LILRB4: variants seen among roughly 807,000 people sequenced by gnomAD.
The protein encoded by LILRB4 is leukocyte immunoglobulin-like receptor subfamily B member 4.
Under a neutral mutation model 55.2 loss-of-function variants are expected in LILRB4, and 49 were observed. That is an observed-to-expected ratio of 0.89 (90% CI 0.71 to 1.13). LILRB4 has a LOEUF of 1.13. LILRB4 is among the 50% of genes most tolerant of loss of function. LILRB4 has a pLI of 0.00. For missense variants in LILRB4, 590 were observed against 555.2 expected, an observed-to-expected ratio of 1.06 and a Z score of -0.63; for synonymous variants, 229 against 213.8, an observed-to-expected ratio of 1.07 and a Z score of -0.62.
chr19:54,665,979 G>T lies in LILRB4; in HGVS notation c.874+48G>T. 1.2e-6 allele frequency: 2 copies of T among 1,612,162 alleles called. No homozygotes were observed. Among genetic ancestry groups the T allele is most frequent in the Non-Finnish European group, 1.7e-6 (2 of 1,178,706 alleles). On this transcript the variant is annotated intron_variant, in intron 7 of 11. Coordinates refer to ENST00000430952, the Ensembl canonical transcript of LILRB4. The surrounding 1 kb of genome is among the most constrained non-coding windows in gnomAD (Gnocchi z 5.5). ...CGTGGGCTGATGGAGGGTGGGCTCA[G>T]GGCACCAGCCAAAGGGACTCCAGAT...
downstream of LILRB4, chr19:54,668,477 C>A: frequency 5.8e-6 from 1 of 171,028 alleles, no homozygotes; most frequent in Admixed American, 5.6e-5. Flanking sequence ...CATACAGGAA[C>A]AAAATAGGAG....
chr19:54,667,107 C>T (rs964792927), intron 10 of LILRB4: 15 of 602,622 alleles, frequency 2.5e-5, no homozygotes, highest in Non-Finnish European at 4.8e-5. Flanking sequence ...TGGGGCTCCC[C>T]ATGGGAGCTG....
At chr19:54,668,226 A>G (rs1179380411) in exon 12 of LILRB4, 6 of 574,124 alleles carry the variant, frequency 1.0e-5, no homozygotes, top group Non-Finnish European at 1.8e-5. Context: ...AGACCTCTCA[A>G]TTCACAATGA....
At chr19:54,664,090 G>T (rs1050871221) in intron 3 of LILRB4, 52 bp downstream of exon 3, 15 of 1,604,482 alleles carry the variant, frequency 9.3e-6, no homozygotes, top group Non-Finnish European at 1.3e-5. Context: ...CAGGAAGGGG[G>T]TCAGCTCTCA....
At position 54,666,798 on chromosome 19, in the gene LILRB4, T is replaced by C. The variant is rs766329450; in HGVS notation, c.1041+49T>C. The C allele has an allele frequency of 1.9e-6, 3 of 1,545,886 alleles. No individual in the cohort carries two copies. In the African/African-American group the frequency reaches 4.1e-5, roughly 21 times the overall value. Reference sequence around the variant, plus strand: ...GCACCAAAGGCCTCCTGGTGCCAGATCTAATCCTGCAGGACTTCTCTGTCC... The same window carrying C: ...GCACCAAAGGCCTCCTGGTGCCAGACCTAATCCTGCAGGACTTCTCTGTCC... On this transcript the variant is annotated intron_variant, in intron 10 of 11. Coordinates refer to ENST00000430952, the Ensembl canonical transcript of LILRB4. This position sits in a 1 kb window ranked among gnomAD's most constrained non-coding sequence, Gnocchi z 4.8.
intron 1 of LILRB4, among the ~76,000 whole-genome samples, chr19:54,663,325 G>A (rs1267965973): frequency 5.9e-4 from 89 of 151,648 alleles, no homozygotes; most frequent in Admixed American, 3.2e-3. Context: ...AGGCGCCTGT[G>A]GTCCCAGCCA....
exon 11 of LILRB4, chr19:54,667,787 C>T (rs1175817228): frequency 6.2e-7 from 1 of 1,609,956 alleles, no homozygotes; most frequent in Non-Finnish European, 8.5e-7. Context: ...GACAGATGGA[C>T]ACTGAGGTGA....
At chr19:54,663,678 G>C (rs1435018767) in intron 2 of LILRB4, 76 bp from the exon 3 acceptor site, 9 of 1,607,944 alleles carry the variant, frequency 5.6e-6, no homozygotes, top group South Asian at 1.1e-5. Context: ...GAGGATGACG[G>C]GGGGGTCCTG....
intron 1 of LILRB4, 24 bp from the exon 2 acceptor site, chr19:54,663,508 C>T (rs2065108832): frequency 1.2e-6 from 2 of 1,611,778 alleles, no homozygotes; most frequent in East Asian, 2.2e-5. Context: ...CGGGGCAAAT[C>T]CCTCACAGGG....
intron 2 of LILRB4, 79 bp from the exon 3 acceptor site, chr19:54,663,674 GA>G: frequency 6.2e-7 from 1 of 1,608,876 alleles, no homozygotes. Context: ...TGATGAGGAT[GA>G]CGGGGGGGTC....
exon 11 of LILRB4, chr19:54,667,761 C>G: frequency 1.2e-6 from 2 of 1,611,616 alleles, no homozygotes; most frequent in Middle Eastern, 2.1e-4. Context: ...AAAGGACAGA[C>G]AGGCAGAAGA....
exon 12 of LILRB4, chr19:54,668,060 G>A: frequency 1.2e-6 from 2 of 1,610,974 alleles, no homozygotes; most frequent in Non-Finnish European, 1.7e-6. Context: ...GGAGACTCAG[G>A]ACCCCAGAAG....
At position 54,666,997 on chromosome 19, in the gene LILRB4, C is replaced by T. The variant is rs971818249; in HGVS notation, c.1041+248C>T. 2 of 699,682 alleles carry T rather than the reference C, an allele frequency of 2.9e-6. No individual in the cohort carries two copies. The highest frequency in any genetic ancestry group is 3.0e-5 in the South Asian group (2 of 66,528). 43.3% of individuals were successfully genotyped at this position (699,682 alleles called of 1,614,324 possible). A position where few individuals can be genotyped will look rare whatever the true frequency, so the allele number is the denominator to read the frequency against. ...GGCCATCTGGTTGTTAGAGAGCTCC[C>T]CAGGCCTCAGGAGGATGACGAATAA... On this transcript the variant is annotated intron_variant, in intron 10 of 11. Transcript: ENST00000430952. This position sits in a 1 kb window ranked among gnomAD's most constrained non-coding sequence, Gnocchi z 4.8.
chr19:54,667,095 G>A, intron 10 of LILRB4: 3 of 614,768 alleles, frequency 4.9e-6, no homozygotes, highest in South Asian at 3.0e-5. Context: ...GCTCACTGTG[G>A]ATGGGGCTCC....
rs747071287 is a variant in LILRB4, at chr19:54,666,467, G to C, written c.988+31G>C. On this transcript the variant is annotated intron_variant, in intron 9 of 11. Transcript: ENST00000430952. This position sits in a 1 kb window ranked among gnomAD's most constrained non-coding sequence, Gnocchi z 4.8. ...TGAGAGGCAGAGAAGGTGCACCTGGGGTGGAGCTGGGGGTCCCAAAATTTC... is the reference window on the plus strand; with the variant it reads ...TGAGAGGCAGAGAAGGTGCACCTGGCGTGGAGCTGGGGGTCCCAAAATTTC... 6 of 1,612,608 alleles carry C rather than the reference G, an allele frequency of 3.7e-6. No individual in the cohort carries two copies. Among genetic ancestry groups the C allele is most frequent in the East Asian group, 4.5e-5 (2 of 44,872 alleles).
At position 54,666,249 on chromosome 19, in the gene LILRB4, A is replaced by G. The variant is rs558804645; in HGVS notation, c.884A>G (p.Gln295Arg). ...GTCCATCTTCCCCCAGCCCAGAGAC[A>G]GGCTGATTTCCAACGTCCTCCAGGG... The change falls in exon 8 of 12, where the codon CAG becomes CGG. Residue 295 changes from glutamine to arginine, a missense_variant. Physicochemically the swap from Gln to Arg is conservative, Grantham distance 43 (BLOSUM62 1). Coordinates refer to ENST00000430952, the Ensembl canonical transcript of LILRB4. The surrounding 1 kb of genome is among the most constrained non-coding windows in gnomAD (Gnocchi z 4.8). 1 of 1,602,798 alleles carries G rather than the reference A, an allele frequency of 6.2e-7. No homozygotes were observed. Among genetic ancestry groups the G allele is most frequent in the South Asian group, 1.1e-5 (1 of 89,248 alleles).
At position 54,666,298 on chromosome 19, in the gene LILRB4, C is replaced by CG. The variant is rs750063985; in HGVS notation, c.938dup (p.Leu314ProfsTer10). 4 of 1,609,934 alleles carry CG rather than the reference C, an allele frequency of 2.5e-6. No homozygotes were observed. The highest frequency in any genetic ancestry group is 3.4e-6 in the Non-Finnish European group (4 of 1,177,820). Reference sequence around the variant, plus strand: ...GGGCTGCCGAGCCAGAGCCCAAGGACGGGGGCCTACAGAGGAGGTAATTCT... The same window carrying CG: ...GGGCTGCCGAGCCAGAGCCCAAGGACGGGGGGCCTACAGAGGAGGTAATTCT... On this transcript the variant is annotated frameshift_variant, in exon 8 of 12. Transcript: ENST00000430952. LOFTEE classifies it high-confidence loss of function. This position sits in a 1 kb window ranked among gnomAD's most constrained non-coding sequence, Gnocchi z 4.8.
At position 54,665,375 on chromosome 19, in the gene LILRB4, C is replaced by A. The variant is rs550750796; in HGVS notation, c.757+195C>A. On this transcript the variant is annotated intron_variant, in intron 6 of 11. Coordinates refer to ENST00000430952, the Ensembl canonical transcript of LILRB4. This position sits in a 1 kb window ranked among gnomAD's most constrained non-coding sequence, Gnocchi z 5.5. ...CTTTCAGCTCTGACTCCCAGCTGTGCCCTCCTGGGAGAGGAGGCCTCCCAG... is the reference window on the plus strand; with the variant it reads ...CTTTCAGCTCTGACTCCCAGCTGTGACCTCCTGGGAGAGGAGGCCTCCCAG... Among the ~76,000 whole-genome samples the A allele has an allele frequency of 3.3e-5, 5 of 152,224 alleles. No individual in the cohort carries two copies. In the South Asian group the frequency reaches 6.2e-4, roughly 19 times the overall value.
Position 54,666,922 on chromosome 19 carries a change from A to T in LILRB4, c.1041+173A>T. Reference sequence around the variant, plus strand: ...CCTCACTCTCTCCTGCTGTCCTGGGACCTCATGGGCCTCCTCCCGGGTCCC... The same window carrying T: ...CCTCACTCTCTCCTGCTGTCCTGGGTCCTCATGGGCCTCCTCCCGGGTCCC... On this transcript the variant is annotated intron_variant, in intron 10 of 11. Coordinates refer to ENST00000430952, the Ensembl canonical transcript of LILRB4. This position sits in a 1 kb window ranked among gnomAD's most constrained non-coding sequence, Gnocchi z 4.8. The T allele has an allele frequency of 2.6e-6, 2 of 781,442 alleles. No individual in the cohort carries two copies. The highest frequency in any genetic ancestry group is 4.6e-6 in the Non-Finnish European group (2 of 430,940). The allele number at this position is 781,442 out of a possible 1,614,324, so 48.4% of individuals were successfully genotyped here.
Sources: gnomAD v4.1 joint callset for allele counts (sites outside exome capture counted in the v4.1 genomes callset) on GRCh38, gnomAD v4.1.1 for gene constraint, Gnocchi (gnomAD v3.1) non-coding constraint, MANE v1.5 for transcripts, NCBI Gene and HGNC (gene_info 2026-07-23, HGNC 2026-07-21) for gene names.